The following KCNK9 variants were observed in gnomAD, a reference collection of about 807,000 sequenced individuals.
KCNK9 encodes potassium two pore domain channel subfamily K member 9.
In KCNK9, 1 loss-of-function variant was observed where a neutral mutation model predicts 10.8. That is an observed-to-expected ratio of 0.09 (90% CI 0.03 to 0.44). The LOEUF (loss-of-function observed/expected upper bound fraction) is 0.44, where lower values mean the gene tolerates loss of function less well. Ranked by LOEUF, KCNK9 falls within the 20% of genes least tolerant of loss-of-function variation. The pLI, the probability that KCNK9 is intolerant of heterozygous loss-of-function variation, is 0.97. For missense variants in KCNK9, 303 were observed against 515.0 expected, an observed-to-expected ratio of 0.59 and a Z score of 3.98; for synonymous variants, 231 against 222.7, an observed-to-expected ratio of 1.04 and a Z score of -0.33.
intron 1 of KCNK9, among the ~76,000 whole-genome samples, chr8:139,667,204 T>A (rs1816322921): frequency 6.6e-6 from 1 of 152,146 alleles, no homozygotes; most frequent in African/African-American, 2.4e-5. Context: ...ATCAGACCAG[T>A]CCCCACAGGG....
intron 1 of KCNK9, among the ~76,000 whole-genome samples, chr8:139,671,636 G>A (rs964262024): frequency 6.6e-6 from 1 of 151,616 alleles, no homozygotes; most frequent in Non-Finnish European, 1.5e-5. Context: ...TCCTGCCTCA[G>A]CCTCCCAAGT....
At chr8:139,610,773 G>A (rs1478106066), downstream of KCNK9, among the ~76,000 whole-genome samples, 1 of 152,242 alleles carries the variant, frequency 6.6e-6, no homozygotes, top group Admixed American at 6.5e-5. Context: ...AACTTTGTGG[G>A]CACTAGGGAG....
At position 139,618,051 on chromosome 8, in the gene KCNK9, G is replaced by T. The variant is rs1168890125; in HGVS notation, c.*207C>A. On this transcript the variant is annotated 3_prime_UTR_variant, in exon 2 of 2. Coordinates refer to ENST00000520439, the MANE Select transcript of KCNK9 (RefSeq NM_001282534.2). The surrounding 1 kb of genome is among the most constrained non-coding windows in gnomAD (Gnocchi z 7.9). ...ATGCTCAGATGTGAGTTTCAGAGGA[G>T]GATGGGCCTGTATTTCCCTTTGGCC... 4 of 616,124 alleles carry T rather than the reference G, an allele frequency of 6.5e-6. No individual in the cohort carries two copies. The highest frequency in any genetic ancestry group is 1.8e-5 in the African/African-American group (1 of 54,226). 38.2% of individuals were successfully genotyped at this position (616,124 alleles called of 1,614,324 possible).
rs558180533 is a variant in KCNK9, at chr8:139,680,180, G to A, written c.283+22530C>T. 2.4e-3 allele frequency among the ~76,000 whole-genome samples: 358 copies of A among 152,318 alleles called. 1 individual carries two copies. The highest frequency in any genetic ancestry group is 3.4e-3 in the Non-Finnish European group (234 of 68,028). On this transcript the variant is annotated intron_variant, in intron 1 of 1. Transcript: ENST00000520439. ...CGCCTCTGCCCAGAGCCAGCCAAGC[G>A]CGGGCTTCAGGTTCAGCCTTGGCCA...
chr8:139,637,709 T>C (rs1266046242), intron 1 of KCNK9, among the ~76,000 whole-genome samples: 3 of 149,362 alleles, frequency 2.0e-5, no homozygotes, highest in Admixed American at 6.7e-5. Context: ...AGCAATACTG[T>C]ATTGAATACT....
At chr8:139,613,119 G>A (rs1444794657), downstream of KCNK9, among the ~76,000 whole-genome samples, 1 of 152,224 alleles carries the variant, frequency 6.6e-6, no homozygotes, top group Non-Finnish European at 1.5e-5. Flanking sequence ...GTAGGAGAGT[G>A]CTCTTGTTCA....
intron 1 of KCNK9, among the ~76,000 whole-genome samples, chr8:139,644,701 G>T (rs953674692): frequency 2.0e-5 from 3 of 147,032 alleles, no homozygotes; most frequent in African/African-American, 8.0e-5. Flanking sequence ...GCTCCCTGGG[G>T]TGCTCCTGCC....
At chr8:139,665,595 C>T (rs1451298780) in intron 1 of KCNK9, among the ~76,000 whole-genome samples, 21 of 152,216 alleles carry the variant, frequency 1.4e-4, no homozygotes, top group Admixed American at 1.4e-3. Context: ...CCTACCTTGC[C>T]CTGGCTCTGT....
intron 1 of KCNK9, among the ~76,000 whole-genome samples, chr8:139,637,351 G>A (rs187769686): frequency 1.5e-4 from 23 of 152,334 alleles, no homozygotes; most frequent in Admixed American, 3.3e-4. Flanking sequence ...CCATAAGGAT[G>A]TTCAAAGCAC....
downstream of KCNK9, among the ~76,000 whole-genome samples, chr8:139,615,204 A>G (rs1179149194): frequency 6.6e-6 from 1 of 152,210 alleles, no homozygotes; most frequent in Non-Finnish European, 1.5e-5. Flanking sequence ...TAGAGAAATC[A>G]GTGGGAAGAC....
intron 1 of KCNK9, among the ~76,000 whole-genome samples, chr8:139,671,856 C>T (rs1032487072): frequency 6.6e-5 from 10 of 152,188 alleles, no homozygotes; most frequent in African/African-American, 1.9e-4. Context: ...CCACCGCACC[C>T]GGCCAATTCT....
intron 1 of KCNK9, among the ~76,000 whole-genome samples, chr8:139,636,805 C>T (rs922857601): frequency 6.6e-6 from 1 of 152,224 alleles, no homozygotes; most frequent in Non-Finnish European, 1.5e-5. Flanking sequence ...CTTGTCCTAT[C>T]TCCCTGCCTC....
chr8:139,655,863 A>C (rs1407074524), intron 1 of KCNK9, among the ~76,000 whole-genome samples: 1 of 152,182 alleles, frequency 6.6e-6, no homozygotes. Flanking sequence ...TTCTGCCTAC[A>C]GCGAGGGGGA....
At position 139,649,922 on chromosome 8, in the gene KCNK9, C is replaced by T. The variant is rs78608419; in HGVS notation, c.284-30823G>A. On this transcript the variant is annotated intron_variant, in intron 1 of 1. Coordinates refer to ENST00000520439, the MANE Select transcript of KCNK9 (RefSeq NM_001282534.2). ...AAGGAGGAGCAGGAATTCTGCACTCCCCAAGGAAAGAGGTGGGTGTGGGAG... is the reference window on the plus strand; with the variant it reads ...AAGGAGGAGCAGGAATTCTGCACTCTCCAAGGAAAGAGGTGGGTGTGGGAG... Among the ~76,000 whole-genome samples the T allele has an allele frequency of 1.1e-3, 164 of 152,264 alleles. 1 individual carries two copies. Among genetic ancestry groups the T allele is most frequent in the African/African-American group, 3.8e-3 (159 of 41,542 alleles).
intron 1 of KCNK9, among the ~76,000 whole-genome samples, chr8:139,641,077 CT>C (rs1342874348): frequency 6.6e-6 from 1 of 152,244 alleles, no homozygotes; most frequent in Middle Eastern, 3.2e-3. Flanking sequence ...AAGAAGCGGT[CT>C]GGCACGAGGA....
chr8:139,626,232 A>C (rs937956104), intron 1 of KCNK9, among the ~76,000 whole-genome samples: 5 of 152,174 alleles, frequency 3.3e-5, no homozygotes, highest in Non-Finnish European at 7.4e-5. Flanking sequence ...ATCTAGGTAC[A>C]TCCACACCTG....
At chr8:139,677,893 A>AG (rs1816597254) in intron 1 of KCNK9, among the ~76,000 whole-genome samples, 2 of 139,052 alleles carry the variant, frequency 1.4e-5, no homozygotes, top group African/African-American at 6.3e-5. Flanking sequence ...AATGCCTCAC[A>AG]TCTGAGCCCA....
At chr8:139,682,434 G>A (rs567689843) in intron 1 of KCNK9, among the ~76,000 whole-genome samples, 92 of 152,252 alleles carry the variant, frequency 6.0e-4, no homozygotes, top group African/African-American at 2.2e-3. Flanking sequence ...CTGAACTGGC[G>A]GGAGCCCTGG....
At position 139,702,644 on chromosome 8, in the gene KCNK9, C is replaced by A; in HGVS notation, c.283+66G>T. 6.7e-7 allele frequency: 1 copy of A among 1,487,858 alleles called. No homozygotes were observed. Among genetic ancestry groups the A allele is most frequent in the Non-Finnish European group, 9.0e-7 (1 of 1,109,602 alleles). 92.2% of individuals were successfully genotyped at this position (1,487,858 alleles called of 1,614,324 possible). On this transcript the variant is annotated intron_variant, in intron 1 of 1. Transcript: ENST00000520439. The surrounding 1 kb of genome is among the most constrained non-coding windows in gnomAD (Gnocchi z 7.5). The stretch of plus-strand genomic sequence containing the variant: ...ACGCCCTGCACCCAGCCCGGCGCGG[C>A]GCGCTCAGCCGCCTCCCCGGACTCC...
Sources: gnomAD v4.1 joint callset for allele counts (sites outside exome capture counted in the v4.1 genomes callset) on GRCh38, gnomAD v4.1.1 for gene constraint, Gnocchi (gnomAD v3.1) non-coding constraint, MANE v1.5 for transcripts, NCBI Gene and HGNC (gene_info 2026-07-23, HGNC 2026-07-21) for gene names.